ILDR2: variants seen among roughly 807,000 people sequenced by gnomAD.
ILDR2 encodes the protein immunoglobulin like domain containing receptor 2, also known as immunoglobulin-like domain-containing receptor 2.
A neutral mutation model predicts 66.8 loss-of-function variants in ILDR2; 25 were observed. That is an observed-to-expected ratio of 0.37 (90% CI 0.27 to 0.52). ILDR2 has a LOEUF of 0.52. Among genes scored for constraint, ILDR2 ranks in the 20% least tolerant of loss-of-function variants. ILDR2 has a pLI of 0.88. For synonymous variants in ILDR2, 367 were observed against 357.2 expected (o/e 1.03, Z -0.31); for missense variants, 827 against 876.8 (o/e 0.94, Z 0.72).
downstream of ILDR2, chr1:166,907,323 TGGA>T (rs1659366394): frequency 6.6e-6 from 1 of 152,218 alleles, no homozygotes; most frequent in Non-Finnish European, 1.5e-5. Flanking sequence ...CTCAAGTGTC[TGGA>T]GAAGAGGTTT....
At chr1:166,968,389 C>T (rs1361717037) in intron 1 of ILDR2, among the ~76,000 whole-genome samples, 2 of 152,086 alleles carry the variant, frequency 1.3e-5, no homozygotes, top group African/African-American at 4.8e-5. Flanking sequence ...GTTCTTACAG[C>T]AGTCACAGTA....
intron 3 of ILDR2, among the ~76,000 whole-genome samples, chr1:166,947,592 C>T (rs981813983): frequency 2.6e-5 from 4 of 152,128 alleles, no homozygotes; most frequent in African/African-American, 9.7e-5. Context: ...CTTTCAAGAG[C>T]TGCCATTCTT....
Position 166,909,658 on chromosome 1 carries a change from T to C in ILDR2, c.*9697A>G, listed in dbSNP as rs561975608. 2 of 150,058 alleles carry C rather than the reference T, an allele frequency of 1.3e-5. No individual in the cohort carries two copies. Among genetic ancestry groups the C allele is most frequent in the East Asian group, 3.9e-4 (2 of 5,100 alleles). 9.3% of individuals were successfully genotyped at this position (150,058 alleles called of 1,614,324 possible). On this transcript the variant is annotated 3_prime_UTR_variant, in exon 10 of 10. Coordinates refer to ENST00000271417, the MANE Select transcript of ILDR2 (RefSeq NM_199351.3). ...ATATTAATGTCCATTATAATTTAAC[T>C]ACATTCAGTTGAACAAAGCGTTTTT...
rs1349216527 is a variant in ILDR2 at position 166,909,752 on chromosome 1, T to A, written c.*9603A>T. Reference sequence around the variant, plus strand: ...GTATACATACATATATATATATATATATATATAAATATATATAAATATATA... The same window carrying A: ...GTATACATACATATATATATATATAAATATATAAATATATATAAATATATA... On this transcript the variant is annotated 3_prime_UTR_variant, in exon 10 of 10. Transcript: ENST00000271417. 1 of 76,484 alleles carries A rather than the reference T, an allele frequency of 1.3e-5. No individual in the cohort carries two copies. Among genetic ancestry groups the A allele is most frequent in the African/African-American group, 6.8e-5 (1 of 14,724 alleles). The allele number at this position is 76,484 out of a possible 1,614,324, so 4.7% of individuals were successfully genotyped here. A position where few individuals can be genotyped will look rare whatever the true frequency, so the allele number is the denominator to read the frequency against.
chr1:166,912,065 C>T lies in ILDR2; in HGVS notation c.*7290G>A, dbSNP rs1401530521. On this transcript the variant is annotated 3_prime_UTR_variant, in exon 10 of 10. Transcript: ENST00000271417. ...ATTTGGATAAATAAAAAGAAATCCA[C>T]ACCTGGTCACATGTTAATTAAACCA... The T allele has an allele frequency of 2.0e-5, 3 of 152,122 alleles. No homozygotes were observed. The highest frequency in any genetic ancestry group is 6.5e-5 in the Admixed American group (1 of 15,274). The allele number at this position is 152,122 out of a possible 1,614,324, so 9.4% of individuals were successfully genotyped here. A position where few individuals can be genotyped will look rare whatever the true frequency, so the allele number is the denominator to read the frequency against.
intron 2 of ILDR2, among the ~76,000 whole-genome samples, chr1:166,903,067 C>T (rs1448268625): frequency 6.6e-6 from 1 of 152,242 alleles, no homozygotes; most frequent in African/African-American, 2.4e-5. Context: ...ACTGTTCTCA[C>T]TTCTTCCACT....
At chr1:166,908,157 G>C (rs1001041467), downstream of ILDR2, 1 of 152,184 alleles carries the variant, frequency 6.6e-6, no homozygotes, top group Admixed American at 6.5e-5. Flanking sequence ...GTCACTTCAG[G>C]CTGCTGTAAC....
intron 3 of ILDR2, among the ~76,000 whole-genome samples, chr1:166,956,527 CG>C (rs1177885365): frequency 3.4e-5 from 4 of 118,160 alleles, no homozygotes; most frequent in Admixed American, 9.8e-5. Flanking sequence ...AAGGTGGGGG[CG>C]GGGGGGTCAT....
At chr1:166,951,088 G>C (rs1434061523) in intron 3 of ILDR2, among the ~76,000 whole-genome samples, 1 of 152,192 alleles carries the variant, frequency 6.6e-6, no homozygotes, top group Non-Finnish European at 1.5e-5. Flanking sequence ...GTTTCCTTTA[G>C]GAAGTTACTC....
At chr1:166,935,568 G>C in intron 5 of ILDR2, 91 bp from the exon 6 acceptor site, 1 of 1,157,442 alleles carries the variant, frequency 8.6e-7, no homozygotes, top group Non-Finnish European at 1.2e-6. Flanking sequence ...ACTTCAGGGA[G>C]CTCCTGGATG....
At chr1:166,923,372 G>C (rs1343496532) in intron 7 of ILDR2, among the ~76,000 whole-genome samples, 1 of 152,206 alleles carries the variant, frequency 6.6e-6, no homozygotes, top group Non-Finnish European at 1.5e-5. Flanking sequence ...GAAGTCCACA[G>C]AATAGTTGAA....
intron 3 of ILDR2, among the ~76,000 whole-genome samples, chr1:166,953,280 A>G (rs1662090379): frequency 6.6e-6 from 1 of 152,120 alleles, no homozygotes; most frequent in Non-Finnish European, 1.5e-5. Context: ...CTCTATTAAG[A>G]TTTCTTCACT....
intron 3 of ILDR2, among the ~76,000 whole-genome samples, chr1:166,944,865 C>T (rs1011506045): frequency 2.0e-5 from 3 of 152,114 alleles, no homozygotes; most frequent in African/African-American, 7.2e-5. Context: ...TGCAATGTGC[C>T]TTTACTTTTA....
Position 166,935,408 on chromosome 1 carries a change from G to A in ILDR2, c.773C>T (p.Ser258Phe). 2 of 1,614,002 alleles carry A rather than the reference G, an allele frequency of 1.2e-6. No homozygotes were observed. The highest frequency in any genetic ancestry group is 2.2e-5 in the East Asian group (1 of 44,854). ...TCCTCCCAAAGGGACAGAGGGGATGGAGTAAGGGCCGGGGACACCGGAGAC... is the reference window on the plus strand; with the variant it reads ...TCCTCCCAAAGGGACAGAGGGGATGAAGTAAGGGCCGGGGACACCGGAGAC... ...PSVSGVPGPY[S>F]IPSVPLGGAP... is the part of the protein sequence containing the mutation. Residue 258 changes from serine (S) to phenylalanine (F), a missense_variant, in exon 6 of 10, where the codon TCC (serine) becomes TTC (phenylalanine). Coordinates refer to ENST00000271417, the MANE Select transcript of ILDR2 (RefSeq NM_199351.3).
At chr1:166,935,616 C>T in intron 5 of ILDR2, 139 bp from the exon 6 acceptor site, 1 of 724,724 alleles carries the variant, frequency 1.4e-6, no homozygotes, top group Non-Finnish European at 2.2e-6. Context: ...TCTTCTAAAA[C>T]TGAACTGATT....
rs557890135 is a variant in ILDR2 at position 166,917,718 on chromosome 1, C to T, written c.*1637G>A. ...ACATAAAGAATGCACCAACTTCTCACGCCTCGAGTAGGAATCAGAAATTTG... is the reference window on the plus strand; with the variant it reads ...ACATAAAGAATGCACCAACTTCTCATGCCTCGAGTAGGAATCAGAAATTTG... On this transcript the variant is annotated 3_prime_UTR_variant, in exon 10 of 10. Transcript: ENST00000271417. 14 of 152,356 alleles carry T rather than the reference C, an allele frequency of 9.2e-5. No individual in the cohort carries two copies. Among genetic ancestry groups the T allele is most frequent in the African/African-American group, 2.9e-4 (12 of 41,574 alleles). 9.4% of individuals were successfully genotyped at this position (152,356 alleles called of 1,614,324 possible). A position where few individuals can be genotyped will look rare whatever the true frequency, so the allele number is the denominator to read the frequency against.
At chr1:166,946,234 T>A (rs190505321) in intron 3 of ILDR2, among the ~76,000 whole-genome samples, 107 of 152,374 alleles carry the variant, frequency 7.0e-4, no homozygotes, top group African/African-American at 2.5e-3. Context: ...ATGGTAACCA[T>A]GCATTTAATA....
chr1:166,921,092 G>A lies in ILDR2; in HGVS notation c.1499C>T (p.Ala500Val). The stretch of plus-strand genomic sequence containing the variant: ...CGCGTCCTCGGCGGGTCTGCGGCGC[G>A]CGGGGCTGAAGGCCCAGCCGCGGTC... ...DADRGWAFSP[A>V]RRRPAEDAHL... is the part of the protein sequence containing the mutation. The change falls in exon 9 of 10, where the codon GCG becomes GTG. Residue 500 changes from alanine (A) to valine (V), a missense_variant. By Grantham distance (64) the Ala-to-Val change is moderately conservative (BLOSUM62 0). Around this residue, in one of 2 missense-constraint regions of ILDR2, gnomAD observed 390 missense variants for 353.6 expected, o/e 1.10. Transcript: ENST00000271417. The surrounding 1 kb of genome is among the most constrained non-coding windows in gnomAD (Gnocchi z 5.3). The A allele has an allele frequency of 1.3e-6, 2 of 1,493,836 alleles. No homozygotes were observed. The highest frequency in any genetic ancestry group is 1.8e-6 in the Non-Finnish European group (2 of 1,130,748). The allele number at this position is 1,493,836 out of a possible 1,614,324, so 92.5% of individuals were successfully genotyped here. A position where few individuals can be genotyped will look rare whatever the true frequency, so the allele number is the denominator to read the frequency against.
rs1383149071 is a variant in ILDR2, at chr1:166,908,702, T to C, written c.*10653A>G. 1 of 152,050 alleles carries C rather than the reference T, an allele frequency of 6.6e-6. No homozygotes were observed. Among genetic ancestry groups the C allele is most frequent in the Non-Finnish European group, 1.5e-5 (1 of 68,058 alleles). The allele number at this position is 152,050 out of a possible 1,614,324, so 9.4% of individuals were successfully genotyped here. A position where few individuals can be genotyped will look rare whatever the true frequency, so the allele number is the denominator to read the frequency against. ...AAGAATCCAGGGAGGAGACGAAAGG[T>C]CCTAATGAAGGCAGTGACACAGAGA... On this transcript the variant is annotated 3_prime_UTR_variant, in exon 10 of 10. Coordinates refer to ENST00000271417, the MANE Select transcript of ILDR2 (RefSeq NM_199351.3).
Sources: gnomAD v4.1 joint callset for allele counts (sites outside exome capture counted in the v4.1 genomes callset) on GRCh38, gnomAD v4.1.1 for gene constraint, gnomAD v4.1.1 regional missense constraint, Gnocchi (gnomAD v3.1) non-coding constraint, MANE v1.5 for transcripts, NCBI Gene and HGNC (gene_info 2026-07-23, HGNC 2026-07-21) for gene names.